CDC42BPA: variants seen among roughly 807,000 people sequenced by gnomAD.
CDC42BPA encodes CDC42 binding protein kinase alpha, also known as serine/threonine-protein kinase MRCK alpha.
CDC42BPA carries 80 observed loss-of-function variants against 223.5 expected under a neutral mutation model. The ratio of observed to expected loss-of-function variants is 0.36; its 90% CI spans 0.30 to 0.43. The LOEUF is 0.43. Ranked by LOEUF, CDC42BPA falls within the 20% of genes least tolerant of loss-of-function variation. The pLI is 1.00. For missense variants in CDC42BPA, 1,743 were observed against 2,099.9 expected, an observed-to-expected ratio of 0.83 and a Z score of 3.32; for synonymous variants, 694 against 718.6, an observed-to-expected ratio of 0.97 and a Z score of 0.55.
chr1:227,285,491 C>T (rs1455237503), intron 1 of CDC42BPA, among the ~76,000 whole-genome samples: 1 of 152,104 alleles, frequency 6.6e-6, no homozygotes, highest in Non-Finnish European at 1.5e-5. Context: ...AATAACAGAC[C>T]CAAATTCCAT....
At chr1:227,127,863 T>C (rs890987880) in intron 11 of CDC42BPA, among the ~76,000 whole-genome samples, 1 of 152,178 alleles carries the variant, frequency 6.6e-6, no homozygotes, top group African/African-American at 2.4e-5. Flanking sequence ...AGATGCTACA[T>C]TAGATTATTT....
intron 2 of CDC42BPA, among the ~76,000 whole-genome samples, chr1:227,215,000 C>T (rs148050490): frequency 6.6e-5 from 10 of 152,246 alleles, no homozygotes; most frequent in African/African-American, 2.4e-4. Context: ...GTAGTGACAT[C>T]AGGCTATTAA....
intron 1 of CDC42BPA, among the ~76,000 whole-genome samples, chr1:227,303,392 C>T (rs1351762392): frequency 6.6e-6 from 1 of 152,212 alleles, no homozygotes; most frequent in African/African-American, 2.4e-5. Context: ...TACTTAATCT[C>T]CTTATTTTCA....
At chr1:227,085,240 TAACTAATACAGGCC>T (rs910091686) in intron 16 of CDC42BPA, among the ~76,000 whole-genome samples, 2 of 152,174 alleles carry the variant, frequency 1.3e-5, no homozygotes, top group African/African-American at 4.8e-5. Context: ...TGTGGAACCC[TAACTAATACAGGCC>T]ACAACCATGT....
chr1:227,210,098 C>A (rs1673603393), intron 3 of CDC42BPA, among the ~76,000 whole-genome samples: 2 of 152,180 alleles, frequency 1.3e-5, no homozygotes, highest in African/African-American at 2.4e-5. Flanking sequence ...GAGTGTCACA[C>A]ATTTTCTTAA....
intron 1 of CDC42BPA, among the ~76,000 whole-genome samples, chr1:227,286,045 C>T (rs543787123): frequency 1.2e-4 from 18 of 152,238 alleles, no homozygotes; most frequent in African/African-American, 4.3e-4. Flanking sequence ...GGGCCTTTTT[C>T]CCACTGTCTT....
At chr1:227,137,129 CGTT>C (rs1304658650) in intron 10 of CDC42BPA, among the ~76,000 whole-genome samples, 2 of 152,078 alleles carry the variant, frequency 1.3e-5, no homozygotes, top group Non-Finnish European at 2.9e-5. Flanking sequence ...AAGGTTTCTA[CGTT>C]GTTTGTGAAG....
intron 3 of CDC42BPA, among the ~76,000 whole-genome samples, chr1:227,208,178 C>G (rs1246798191): frequency 6.7e-6 from 1 of 149,456 alleles, no homozygotes; most frequent in Non-Finnish European, 1.5e-5. Flanking sequence ...TGAGAAGTGT[C>G]TGTTCATGTC....
chr1:227,074,045 C>T, intron 18 of CDC42BPA, 33 bp from the exon 19 acceptor site: 1 of 1,596,418 alleles, frequency 6.3e-7, no homozygotes, highest in Non-Finnish European at 8.5e-7. Context: ...TTAGTTCCAT[C>T]CTATTTTTAA....
chr1:227,139,325 G>A (rs1010372747), intron 10 of CDC42BPA, among the ~76,000 whole-genome samples: 2 of 151,950 alleles, frequency 1.3e-5, no homozygotes, highest in African/African-American at 4.8e-5. Context: ...CATCCCCAAA[G>A]GTATTCCCAC....
At chr1:227,310,067 C>T (rs904959810) in intron 1 of CDC42BPA, among the ~76,000 whole-genome samples, 11 of 152,182 alleles carry the variant, frequency 7.2e-5, no homozygotes, top group African/African-American at 2.7e-4. Flanking sequence ...TCTAACCCTG[C>T]TACTCAGGAA....
At chr1:227,312,133 T>C (rs762563130) in intron 1 of CDC42BPA, among the ~76,000 whole-genome samples, 1 of 152,246 alleles carries the variant, frequency 6.6e-6, no homozygotes, top group Non-Finnish European at 1.5e-5. Context: ...TGATGTACTT[T>C]ATATTTTCTA....
chr1:227,168,256 AATATC>A (rs1665403138), intron 5 of CDC42BPA, among the ~76,000 whole-genome samples: 1 of 152,150 alleles, frequency 6.6e-6, no homozygotes, highest in Non-Finnish European at 1.5e-5. Flanking sequence ...TTTACTTAAA[AATATC>A]ATATCACATT....
intron 1 of CDC42BPA, among the ~76,000 whole-genome samples, chr1:227,315,304 T>A (rs947010175): frequency 6.6e-6 from 1 of 152,024 alleles, no homozygotes; most frequent in Non-Finnish European, 1.5e-5. Flanking sequence ...TAATGGAAAA[T>A]ATATATAAAT....
chr1:227,212,824 G>A (rs375124472), intron 3 of CDC42BPA, among the ~76,000 whole-genome samples: 1 of 152,288 alleles, frequency 6.6e-6, no homozygotes, highest in Non-Finnish European at 1.5e-5. Context: ...GTTACGTCAC[G>A]TTAGAAATCA....
chr1:227,170,971 C>G (rs1217184094), intron 5 of CDC42BPA, among the ~76,000 whole-genome samples: 1 of 152,146 alleles, frequency 6.6e-6, no homozygotes, highest in African/African-American at 2.4e-5. Flanking sequence ...GAAGAAGCAG[C>G]AAAATAACAT....
At chr1:227,036,702 T>G (rs538057068) in intron 24 of CDC42BPA, among the ~76,000 whole-genome samples, 1 of 147,184 alleles carries the variant, frequency 6.8e-6, no homozygotes, top group South Asian at 2.1e-4. Context: ...GTGCTGAGAT[T>G]ACAGGCGTTG....
chr1:227,192,189 C>A (rs1372821707), intron 5 of CDC42BPA, among the ~76,000 whole-genome samples: 1 of 152,212 alleles, frequency 6.6e-6, no homozygotes, highest in Non-Finnish European at 1.5e-5. Flanking sequence ...AAGACACCCA[C>A]ATCTTAAAAA....
At chr1:227,120,329 C>A (rs1241547676) in intron 11 of CDC42BPA, among the ~76,000 whole-genome samples, 2 of 152,140 alleles carry the variant, frequency 1.3e-5, no homozygotes, top group South Asian at 4.1e-4. Flanking sequence ...CCGTGTAAGA[C>A]GGTTTTGATT....
Sources: allele counts gnomAD v4.1 joint callset (sites outside exome capture counted in the v4.1 genomes callset), GRCh38; gene constraint gnomAD v4.1.1; transcripts MANE v1.5; gene names NCBI Gene and HGNC (gene_info 2026-07-23, HGNC 2026-07-21).